The following WASHC5 variants were observed in gnomAD, a reference collection of about 807,000 sequenced individuals.
WASHC5 encodes WASH complex subunit strumpellin.
In WASHC5, 101 loss-of-function variants were observed where a neutral mutation model predicts 150.4. The ratio of observed to expected loss-of-function variants is 0.67; its 90% CI spans 0.57 to 0.79. The LOEUF (loss-of-function observed/expected upper bound fraction) is 0.79. Ranked by LOEUF, WASHC5 falls within the 30% of genes least tolerant of loss-of-function variation. WASHC5 has a pLI of 0.00. For missense variants in WASHC5, 1,195 were observed against 1,396.3 expected, an observed-to-expected ratio of 0.86 and a Z score of 2.30; for synonymous variants, 467 against 491.2, an observed-to-expected ratio of 0.95 and a Z score of 0.65.
At chr8:125,050,033 CTG>C (rs10571504) in intron 18 of WASHC5, among the ~76,000 whole-genome samples, 16,476 of 151,786 alleles carry the variant, frequency 0.11, 2,086 homozygotes, top group African/African-American at 0.3. Flanking sequence ...AAAAGAATGA[CTG>C]TGATTTCTCT....
intron 6 of WASHC5, 85 bp from the exon 7 acceptor site, chr8:125,076,585 A>T: frequency 6.6e-7 from 1 of 1,520,194 alleles, no homozygotes; most frequent in East Asian, 2.3e-5. Flanking sequence ...TGGTTGTAAG[A>T]CACATCAGTT....
chr8:125,072,664 A>G (rs1435587323), intron 9 of WASHC5, among the ~76,000 whole-genome samples: 1 of 152,140 alleles, frequency 6.6e-6, no homozygotes, highest in African/African-American at 2.4e-5. Context: ...ATGAGCCACC[A>G]CACACAGCAA....
At chr8:125,059,569 A>T (rs777161716) in intron 12 of WASHC5, 27 bp from the exon 13 acceptor site, 12 of 1,581,534 alleles carry the variant, frequency 7.6e-6, no homozygotes, top group Non-Finnish European at 9.6e-6. Context: ...TACTTAATTT[A>T]AAAATCCTGA....
chr8:125,033,271 T>C (rs541811263), intron 26 of WASHC5, among the ~76,000 whole-genome samples: 3 of 152,266 alleles, frequency 2.0e-5, no homozygotes, highest in South Asian at 4.1e-4. Flanking sequence ...AACAGACAAA[T>C]AGATCAATGG....
chr8:125,081,468 C>T (rs1291962767), intron 5 of WASHC5, among the ~76,000 whole-genome samples, 193 bp downstream of exon 5: 1 of 152,158 alleles, frequency 6.6e-6, no homozygotes, highest in South Asian at 2.1e-4. Flanking sequence ...AAACTCCTGA[C>T]CTCAGATGAT....
intron 15 of WASHC5, 82 bp from the exon 16 acceptor site, chr8:125,056,899 G>A (rs1043807320): frequency 3.3e-6 from 5 of 1,521,756 alleles, no homozygotes; most frequent in Non-Finnish European, 4.6e-6. Flanking sequence ...TGCCTAATTT[G>A]TCTATATAGG....
chr8:125,061,223 A>T, intron 11 of WASHC5, 29 bp from the exon 12 acceptor site: 1 of 1,168,514 alleles, frequency 8.6e-7, no homozygotes, highest in Non-Finnish European at 1.3e-6. Context: ...GAAAATACTG[A>T]AATCCTCGAA....
At chr8:125,075,828 A>G (rs1297412277) in intron 7 of WASHC5, among the ~76,000 whole-genome samples, 1 of 152,226 alleles carries the variant, frequency 6.6e-6, no homozygotes, top group Admixed American at 6.5e-5. Context: ...TTCATTTCAT[A>G]TATATTATGA....
In WASHC5 at chr8:125,027,878, A is replaced by G. The variant is rs529172725; in HGVS notation, c.3423+742T>C. ...TCTTATTGTCTTGCACCTGTATAACAAAAGTAGTTGCAAGAGTCTGTATAG... is the reference window on the plus strand; with the variant it reads ...TCTTATTGTCTTGCACCTGTATAACGAAAGTAGTTGCAAGAGTCTGTATAG... On this transcript the variant is annotated intron_variant, in intron 28 of 28. Transcript: ENST00000318410. Among the ~76,000 whole-genome samples the G allele has an allele frequency of 3.3e-5, 5 of 152,354 alleles. No homozygotes were observed. In the East Asian group the frequency reaches 7.7e-4, roughly 23 times the overall value.
At chr8:125,024,803 C>G (rs1815328548) in intron 28 of WASHC5, 130 bp from the exon 29 acceptor site, 1 of 674,808 alleles carries the variant, frequency 1.5e-6, no homozygotes. Flanking sequence ...GGGCGGACGA[C>G]TCCTTGAAAC....
At position 125,083,110 on chromosome 8, in the gene WASHC5, T is replaced by C; in HGVS notation, c.332+3A>G. On this transcript the variant is annotated splice_donor_region_variant and intron_variant, in intron 3 of 28. Coordinates refer to ENST00000318410, the MANE Select transcript of WASHC5 (RefSeq NM_014846.4). Reference sequence around the variant, plus strand: ...AATAAGCTATTCCTAAATAGATCAATACCTGTTTAAGTCTACAATATATTT... The same window carrying C: ...AATAAGCTATTCCTAAATAGATCAACACCTGTTTAAGTCTACAATATATTT... 2 of 1,494,792 alleles carry C rather than the reference T, an allele frequency of 1.3e-6. No individual in the cohort carries two copies. The highest frequency in any genetic ancestry group is 2.8e-5 in the African/African-American group (2 of 72,556). The allele number at this position is 1,494,792 out of a possible 1,614,324, so 92.6% of individuals were successfully genotyped here.
At chr8:125,063,239 C>G (rs1816654786) in intron 11 of WASHC5, among the ~76,000 whole-genome samples, 1 of 152,134 alleles carries the variant, frequency 6.6e-6, no homozygotes, top group African/African-American at 2.4e-5. Flanking sequence ...AAACTCTTGT[C>G]TATGAACTGG....
chr8:125,044,705 T>C lies in WASHC5; in HGVS notation c.2505-7A>G, dbSNP rs1164669385. On this transcript the variant is annotated splice_polypyrimidine_tract_variant and splice_region_variant and intron_variant, in intron 20 of 28. Transcript: ENST00000318410. ...GTCTATGTGACATGTCATTCTAAAA[T>C]GAAAACAATGCAAAAACCCCAGAAT... 1.9e-6 allele frequency: 3 copies of C among 1,613,610 alleles called. No homozygotes were observed. Among genetic ancestry groups the C allele is most frequent in the Non-Finnish European group, 1.7e-6 (2 of 1,179,864 alleles).
chr8:125,033,348 A>G (rs960539960), intron 26 of WASHC5, among the ~76,000 whole-genome samples: 1 of 151,972 alleles, frequency 6.6e-6, no homozygotes, highest in Non-Finnish European at 1.5e-5. Context: ...AATATACCAA[A>G]TAATAAAAAA....
chr8:125,079,653 C>A (rs1362898637), intron 5 of WASHC5, among the ~76,000 whole-genome samples: 5 of 152,136 alleles, frequency 3.3e-5, no homozygotes, highest in Non-Finnish European at 1.5e-5. Flanking sequence ...CAATACAACA[C>A]TCCAGCAGGG....
At chr8:125,065,028 C>A (rs908725269) in intron 10 of WASHC5, among the ~76,000 whole-genome samples, 1 of 152,294 alleles carries the variant, frequency 6.6e-6, no homozygotes, top group South Asian at 2.1e-4. Flanking sequence ...CACCCTGAAG[C>A]CTTCGTAAGA....
chr8:125,080,911 C>T (rs1173993895), intron 5 of WASHC5, among the ~76,000 whole-genome samples: 1 of 152,158 alleles, frequency 6.6e-6, no homozygotes, highest in African/African-American at 2.4e-5. Flanking sequence ...TCAAAGTCAT[C>T]AAACTGAAAT....
At chr8:125,060,192 A>C (rs1816550610) in intron 12 of WASHC5, among the ~76,000 whole-genome samples, 1 of 152,198 alleles carries the variant, frequency 6.6e-6, no homozygotes, top group Non-Finnish European at 1.5e-5. Flanking sequence ...ATGATGTTTT[A>C]AATAATAGAG....
intron 1 of WASHC5, among the ~76,000 whole-genome samples, chr8:125,088,973 T>C (rs1349305865): frequency 1.3e-5 from 2 of 152,070 alleles, no homozygotes; most frequent in African/African-American, 4.8e-5. Flanking sequence ...ACAGAAGAAG[T>C]AGACTGGATT....
Sources: gnomAD v4.1 joint callset for allele counts (sites outside exome capture counted in the v4.1 genomes callset) on GRCh38, gnomAD v4.1.1 for gene constraint, MANE v1.5 for transcripts, NCBI Gene and HGNC (gene_info 2026-07-23, HGNC 2026-07-21) for gene names.